Variants in CT45A1 observed in about 807,000 individuals in gnomAD.
CT45A1 encodes cancer/testis antigen 45-1.
At position 135,713,648 on chromosome X, in the gene CT45A1, T is replaced by G. The variant is rs1291701734; in HGVS notation, c.-49T>G. On this transcript the variant is annotated 5_prime_UTR_variant, in exon 1 of 5. Coordinates refer to ENST00000594565, the MANE Select transcript of CT45A1 (RefSeq NM_001017417.3). ...CCACCAGTGGGGAGGCGCCACAACT[T>G]CACTGCCATTTTGTGAGGTGCTGCT... 7.6e-5 allele frequency: 57 copies of G among 747,093 alleles called. No individual in the cohort carries two copies. The highest frequency in any genetic ancestry group is 9.4e-6 in the Non-Finnish European group (6 of 635,666). The allele number at this position is 747,093 out of a possible 1,213,427, so 61.6% of individuals were successfully genotyped here.
At chrX:135,712,179 CTTT>C (rs782572662), upstream of CT45A1, among the ~76,000 whole-genome samples, 2 of 48,424 alleles carry the variant, frequency 4.1e-5, no homozygotes, top group Admixed American at 3.7e-4. Context: ...TTTTTTCTTT[CTTT>C]TTTTTTTTTT....
intron 1 of CT45A1, among the ~76,000 whole-genome samples, chrX:135,718,452 T>C (rs1556572494): frequency 9.1e-6 from 1 of 110,241 alleles, no homozygotes; most frequent in African/African-American, 3.3e-5. Flanking sequence ...CTAATAAGGG[T>C]TAATACAGAT....
chrX:135,714,030 C>T lies in CT45A1; in HGVS notation c.-7+340C>T, dbSNP rs1160210321. On this transcript the variant is annotated intron_variant, in intron 1 of 4. Transcript: ENST00000594565. ...ATGCCTTGGTTGCTTGTGTCGGCCT[C>T]GGGTGCGGTGCTGTTTCTTTCCCAC... Among the ~76,000 whole-genome samples, 5 of 107,589 alleles carry T rather than the reference C, an allele frequency of 4.6e-5. No individual in the cohort carries two copies. In the East Asian group the frequency reaches 1.5e-3, roughly 32 times the overall value. The allele number at this position is 107,589 out of a possible 115,157, so 93.4% of individuals were successfully genotyped here.
At chrX:135,709,418 G>A (rs1238224790), upstream of CT45A1, among the ~76,000 whole-genome samples, 4 of 111,871 alleles carry the variant, frequency 3.6e-5, no homozygotes, top group African/African-American at 6.5e-5. Context: ...GTGAGCCACC[G>A]CGCCAGGCCC....
intron 1 of CT45A1, among the ~76,000 whole-genome samples, chrX:135,715,615 T>C (rs1349910041): frequency 3.7e-4 from 35 of 94,485 alleles, no homozygotes; most frequent in South Asian, 9.3e-4. Flanking sequence ...ATAATACTTA[T>C]ATGTATATAA....
chrX:135,711,150 A>G (rs782743887), upstream of CT45A1, among the ~76,000 whole-genome samples: 1 of 111,911 alleles, frequency 8.9e-6, no homozygotes, highest in East Asian at 2.8e-4. Context: ...ATGGTTATTC[A>G]ATCAAATACT....
chrX:135,708,764 C>G (rs1372600340), upstream of CT45A1, among the ~76,000 whole-genome samples: 1 of 111,610 alleles, frequency 9.0e-6, no homozygotes, highest in Admixed American at 9.5e-5. Flanking sequence ...GATTGTTAAA[C>G]GTTTCACTCA....
chrX:135,711,235 A>G (rs1556569465), upstream of CT45A1, among the ~76,000 whole-genome samples: 1 of 111,618 alleles, frequency 9.0e-6, no homozygotes, highest in African/African-American at 3.3e-5. Context: ...TAGAAGAAAC[A>G]AACAAAACAA....
At chrX:135,712,917 T>TC (rs1184099825), upstream of CT45A1, among the ~76,000 whole-genome samples, 135 of 102,704 alleles carry the variant, frequency 1.3e-3, 1 homozygote, top group African/African-American at 4.8e-3. Context: ...TTTCTTTCTT[T>TC]CTTTTCTTTT....
upstream of CT45A1, among the ~76,000 whole-genome samples, chrX:135,711,699 C>A (rs1556569587): frequency 8.9e-6 from 1 of 111,898 alleles, no homozygotes; most frequent in Non-Finnish European, 1.9e-5. Flanking sequence ...CTGCTTGTTC[C>A]ATTAAAACTC....
At chrX:135,712,974 T>TTTCTTTCC (rs782341458), upstream of CT45A1, among the ~76,000 whole-genome samples, 1 of 48,173 alleles carries the variant, frequency 2.1e-5, no homozygotes, top group Non-Finnish European at 3.8e-5. Context: ...TCTTTCTTTC[T>TTTCTTTCC]TTTCTTTCTC....
upstream of CT45A1, among the ~76,000 whole-genome samples, chrX:135,712,080 C>CA (rs200542187): frequency 9.9e-3 from 909 of 92,164 alleles, 4 homozygotes; most frequent in East Asian, 0.04. Context: ...GACTCTGTCT[C>CA]AAAAAAAATA....
upstream of CT45A1, among the ~76,000 whole-genome samples, chrX:135,712,920 T>TTTC (rs1203617009): frequency 9.8e-6 from 1 of 102,266 alleles, no homozygotes; most frequent in East Asian, 3.2e-4. Flanking sequence ...CTTTCTTTCT[T>TTTC]TTCTTTTCTT....
At position 135,718,029 on chromosome X, in the gene CT45A1, G is replaced by A. The variant is rs782346457; in HGVS notation, c.-6-906G>A. Among the ~76,000 whole-genome samples the A allele has an allele frequency of 4.5e-4, 50 of 111,847 alleles. No individual in the cohort carries two copies. The Admixed American group carries it at 4.5e-3, about 10-fold the overall frequency. On this transcript the variant is annotated intron_variant, in intron 1 of 4. Coordinates refer to ENST00000594565, the MANE Select transcript of CT45A1 (RefSeq NM_001017417.3). Reference sequence around the variant, plus strand: ...TACTGATACGTCACTATGAAGTATGGCATTTAAAAATTTTTTGTACATATG... The same window carrying A: ...TACTGATACGTCACTATGAAGTATGACATTTAAAAATTTTTTGTACATATG...
At chrX:135,716,518 T>A (rs1556571603) in intron 1 of CT45A1, among the ~76,000 whole-genome samples, 1 of 111,634 alleles carries the variant, frequency 9.0e-6, no homozygotes, top group Non-Finnish European at 1.9e-5. Context: ...CATTCATTTG[T>A]TGCCAGATAA....
At chrX:135,713,167 A>G (rs782161573), upstream of CT45A1, among the ~76,000 whole-genome samples, 1 of 99,967 alleles carries the variant, frequency 1.0e-5, no homozygotes, top group East Asian at 3.1e-4. Flanking sequence ...CTTCCCGAGT[A>G]GTTGGGACCA....
At chrX:135,710,300 G>A (rs1435913526), upstream of CT45A1, 4 of 111,936 alleles carry the variant, frequency 3.6e-5, no homozygotes, top group Admixed American at 3.8e-4. Context: ...GTATACTAGA[G>A]TCTCCAGAAT....
At chrX:135,715,004 C>T (rs782004255) in intron 1 of CT45A1, among the ~76,000 whole-genome samples, 10 of 106,766 alleles carry the variant, frequency 9.4e-5, no homozygotes, top group South Asian at 4.0e-4. Flanking sequence ...TACACATGCA[C>T]GCAGGCATAT....
intron 1 of CT45A1, among the ~76,000 whole-genome samples, chrX:135,715,424 T>G (rs2087976595): frequency 1.2e-5 from 1 of 80,879 alleles, no homozygotes; most frequent in Admixed American, 1.8e-4. Context: ...AATACTTATA[T>G]ATATAATACT....
Sources: gnomAD v4.1 joint callset for allele counts (sites outside exome capture counted in the v4.1 genomes callset) on GRCh38, gnomAD v4.1.1 for gene constraint, MANE v1.5 for transcripts, NCBI Gene and HGNC (gene_info 2026-07-23, HGNC 2026-07-21) for gene names.